Variants in WDR33 observed in about 807,000 individuals in gnomAD.
WDR33 encodes the protein pre-mRNA 3' end processing protein WDR33.
In WDR33, 47 loss-of-function variants were observed where a neutral mutation model predicts 164.9. The observed-to-expected ratio is 0.29, with a 90% CI of 0.23 to 0.36. The LOEUF (loss-of-function observed/expected upper bound fraction) is 0.36, where lower values mean the gene tolerates loss of function less well. Among genes scored for constraint, WDR33 ranks in the 10% least tolerant of loss-of-function variants. The pLI is 1.00. For missense variants in WDR33, 1,137 were observed against 1,754.1 expected, an observed-to-expected ratio of 0.65 and a Z score of 6.28; for synonymous variants, 505 against 589.0, an observed-to-expected ratio of 0.86 and a Z score of 2.06.
chr2:127,753,540 T>G (rs1182174076), intron 7 of WDR33, among the ~76,000 whole-genome samples: 1 of 152,204 alleles, frequency 6.6e-6, no homozygotes, highest in Non-Finnish European at 1.5e-5. Context: ...CAAAATATTG[T>G]AACTTGCCCC....
chr2:127,718,616 T>C lies in WDR33; in HGVS notation c.2760+649A>G, dbSNP rs1686351021. ...CAAAGAAGGAGAATTTCTACAGAAA[T>C]GCTCCCCCCTGCAAATACTTTTATA... is the stretch of plus-strand genomic sequence containing the variant. On this transcript the variant is annotated intron_variant, in intron 16 of 21. Transcript: ENST00000322313. This position sits in a 1 kb window ranked among gnomAD's most constrained non-coding sequence, Gnocchi z 4.4. Among the ~76,000 whole-genome samples, 2 of 152,142 alleles carry C rather than the reference T, an allele frequency of 1.3e-5. No homozygotes were observed. Among genetic ancestry groups the C allele is most frequent in the African/African-American group, 4.8e-5 (2 of 41,446 alleles).
rs753932627 is a variant in WDR33, at chr2:127,717,162, G to A, written c.2862C>T (p.Pro954=). 10 of 1,603,224 alleles carry A rather than the reference G, an allele frequency of 6.2e-6. No homozygotes were observed. Among genetic ancestry groups the A allele is most frequent in the Non-Finnish European group, 8.5e-6 (10 of 1,174,130 alleles). The part of the protein sequence containing the change: ...PPLNPGQGPG[P]NKGDSRGPPN... ...AGCTGAGCAGATATTTACCTTTGTT[G>A]GGGCCAGGTCCTTGTCCGGGGTTCA... The change falls in exon 17 of 22, where the codon CCC becomes CCT. Residue 954 remains proline, a synonymous_variant. Coordinates refer to ENST00000322313, the MANE Select transcript of WDR33 (RefSeq NM_018383.5). This position sits in a 1 kb window ranked among gnomAD's most constrained non-coding sequence, Gnocchi z 5.6.
intron 7 of WDR33, among the ~76,000 whole-genome samples, chr2:127,756,105 G>A (rs147761570): frequency 0.014 from 2,123 of 152,120 alleles, 45 homozygotes; most frequent in African/African-American, 0.047. Context: ...AGGCTGAGAC[G>A]AGCGGATCAC....
intron 7 of WDR33, among the ~76,000 whole-genome samples, chr2:127,760,940 A>G (rs1687654773): frequency 1.3e-5 from 2 of 152,306 alleles, no homozygotes; most frequent in Admixed American, 1.3e-4. Context: ...TTCAGCATCT[A>G]CTTAACTTCA....
At chr2:127,786,076 T>C (rs996807350) in intron 1 of WDR33, among the ~76,000 whole-genome samples, 1 of 152,206 alleles carries the variant, frequency 6.6e-6, no homozygotes, top group Non-Finnish European at 1.5e-5. Flanking sequence ...CTCTGTCACC[T>C]AGCCTGAAGT....
At position 127,719,258 on chromosome 2, in the gene WDR33, A is replaced by G. The variant is rs569766874; in HGVS notation, c.2760+7T>C. ...CAATGTGCCCGTGAGTTGGAAATGA[A>G]TAATACCTGGTTGAAGGGGGCCCGG... On this transcript the variant is annotated splice_region_variant and intron_variant, in intron 16 of 21. Coordinates refer to ENST00000322313, the MANE Select transcript of WDR33 (RefSeq NM_018383.5). This position sits in a 1 kb window ranked among gnomAD's most constrained non-coding sequence, Gnocchi z 6.5. 4 of 1,421,390 alleles carry G rather than the reference A, an allele frequency of 2.8e-6. No homozygotes were observed. The highest frequency in any genetic ancestry group is 1.8e-5 in the South Asian group (1 of 54,552). The allele number at this position is 1,421,390 out of a possible 1,614,324, so 88.0% of individuals were successfully genotyped here. A position where few individuals can be genotyped will look rare whatever the true frequency, so the allele number is the denominator to read the frequency against.
intron 7 of WDR33, among the ~76,000 whole-genome samples, chr2:127,743,164 TAAA>T (rs1056341963): frequency 2.6e-5 from 4 of 151,554 alleles, no homozygotes. Flanking sequence ...TGGGAAAAAA[TAAA>T]AAAAGAGTGG....
At chr2:127,795,846 A>G (rs1028852764) in intron 1 of WDR33, among the ~76,000 whole-genome samples, 8 of 151,564 alleles carry the variant, frequency 5.3e-5, no homozygotes, top group African/African-American at 1.9e-4. Flanking sequence ...GAAAAAAAAA[A>G]ACTGTCTTGA....
In WDR33 at chr2:127,713,891, A is replaced by C. The variant is rs1686239543; in HGVS notation, c.3000T>G (p.Pro1000=). The C allele has an allele frequency of 6.2e-7, 1 of 1,614,026 alleles. No homozygotes were observed. The highest frequency in any genetic ancestry group is 8.5e-7 in the Non-Finnish European group (1 of 1,180,004). The part of the protein sequence containing the change: ...FRGGQDCRGP[P]DRRGPHPDFP... ...AGTCTGGGTGAGGGCCACGCCTATC[A>C]GGGGGACCCCTGCAGTCCTGGCCAC... is the stretch of plus-strand genomic sequence containing the variant. The change falls in exon 18 of 22, where the codon CCT becomes CCG. Residue 1000 remains proline, a synonymous_variant. Coordinates refer to ENST00000322313, the MANE Select transcript of WDR33 (RefSeq NM_018383.5). The surrounding 1 kb of genome is among the most constrained non-coding windows in gnomAD (Gnocchi z 6.2).
Position 127,723,656 on chromosome 2 carries a change from G to A in WDR33, c.1197-309C>T, listed in dbSNP as rs371594810. On this transcript the variant is annotated intron_variant, in intron 11 of 21. Transcript: ENST00000322313. This position sits in a 1 kb window ranked among gnomAD's most constrained non-coding sequence, Gnocchi z 5.9. ...CACACCTGTAGTCTCAGCTACTCACGAGGATAAGGCGGGAAGATGGCTTGA... is the reference window on the plus strand; with the variant it reads ...CACACCTGTAGTCTCAGCTACTCACAAGGATAAGGCGGGAAGATGGCTTGA... 3.9e-5 allele frequency among the ~76,000 whole-genome samples: 6 copies of A among 151,936 alleles called. No individual in the cohort carries two copies. The East Asian group carries it at 7.8e-4, about 20-fold the overall frequency.
chr2:127,707,225 T>C (rs1384519044), intron 21 of WDR33, among the ~76,000 whole-genome samples: 1 of 128,860 alleles, frequency 7.8e-6, no homozygotes, highest in Non-Finnish European at 1.6e-5. Flanking sequence ...CTTGAGAATA[T>C]ATTTAAAAAA....
chr2:127,787,490 A>AC (rs1299721860), intron 1 of WDR33, among the ~76,000 whole-genome samples: 1,811 of 108,712 alleles, frequency 0.017, 95 homozygotes, highest in African/African-American at 0.061. Context: ...CGGGGGGCTG[A>AC]CCCCCCCCAC....
intron 1 of WDR33, chr2:127,810,743 A>T (rs1377432968): frequency 6.6e-6 from 1 of 152,242 alleles, no homozygotes; most frequent in Non-Finnish European, 1.5e-5. Context: ...CTGTGGCCTG[A>T]CTTACGTCTT....
intron 1 of WDR33, among the ~76,000 whole-genome samples, chr2:127,795,815 C>T (rs1415605903): frequency 6.7e-6 from 1 of 149,530 alleles, no homozygotes; most frequent in Non-Finnish European, 1.5e-5. Context: ...GCCTGGGCAA[C>T]ACAGCAAGGC....
chr2:127,730,837 A>C (rs72846252), intron 7 of WDR33, among the ~76,000 whole-genome samples: 1 of 152,258 alleles, frequency 6.6e-6, no homozygotes, highest in Non-Finnish European at 1.5e-5. Flanking sequence ...CTCTAGTATA[A>C]TATTGTGGTT....
chr2:127,771,054 T>C, intron 1 of WDR33, 50 bp from the exon 2 acceptor site: 2 of 1,373,636 alleles, frequency 1.5e-6, no homozygotes, highest in Non-Finnish European at 1.0e-6. Context: ...ACTGCAACAC[T>C]GCCTGAAAAC....
intron 7 of WDR33, among the ~76,000 whole-genome samples, chr2:127,762,276 C>T (rs1687700860): frequency 2.6e-5 from 4 of 152,168 alleles, no homozygotes; most frequent in African/African-American, 9.7e-5. Context: ...CTGGAGAAAA[C>T]TACCTTCCTA....
intron 1 of WDR33, among the ~76,000 whole-genome samples, chr2:127,798,089 C>A (rs1290171839): frequency 6.6e-6 from 1 of 151,970 alleles, no homozygotes; most frequent in Admixed American, 6.6e-5. Context: ...GAATTTAAGC[C>A]GGGCGTGGTG....
intron 7 of WDR33, among the ~76,000 whole-genome samples, chr2:127,729,828 C>T (rs1406789296): frequency 6.6e-6 from 1 of 152,168 alleles, no homozygotes; most frequent in East Asian, 1.9e-4. Flanking sequence ...CATCATTTTA[C>T]TTTTGAACCA....
Sources: allele counts gnomAD v4.1 joint callset (sites outside exome capture counted in the v4.1 genomes callset), GRCh38; gene constraint gnomAD v4.1.1; non-coding constraint Gnocchi (gnomAD v3.1); transcripts MANE v1.5; gene names NCBI Gene and HGNC (gene_info 2026-07-23, HGNC 2026-07-21).